Variants in UCHL3 observed in about 807,000 individuals in gnomAD.
UCHL3 encodes ubiquitin carboxyl-terminal hydrolase isozyme L3.
A neutral mutation model predicts 35.8 loss-of-function variants in UCHL3; 22 were observed. That is an observed-to-expected ratio of 0.61 (90% CI 0.44 to 0.88). UCHL3 has a LOEUF of 0.88. Among genes scored for constraint, UCHL3 ranks in the 40% least tolerant of loss-of-function variants. UCHL3 has a pLI of 0.00. For synonymous variants in UCHL3, 90 were observed against 92.8 expected (o/e 0.97, Z 0.17); for missense variants, 229 against 276.9 (o/e 0.83, Z 1.23).
intron 6 of UCHL3, among the ~76,000 whole-genome samples, chr13:75,573,357 T>C (rs887413344): frequency 6.6e-6 from 1 of 152,148 alleles, no homozygotes; most frequent in African/African-American, 2.4e-5. Flanking sequence ...TATTCCAGCC[T>C]ACTGATTTTT....
intron 6 of UCHL3, among the ~76,000 whole-genome samples, chr13:75,588,710 G>A (rs1378753160): frequency 6.6e-6 from 1 of 151,966 alleles, no homozygotes; most frequent in African/African-American, 2.4e-5. Context: ...AAAATCATTC[G>A]GAAAGTAAAA....
intron 2 of UCHL3, among the ~76,000 whole-genome samples, chr13:75,559,729 G>T (rs2031429518): frequency 6.6e-6 from 1 of 152,144 alleles, no homozygotes; most frequent in Non-Finnish European, 1.5e-5. Context: ...CAAAATTTCA[G>T]ATGTTAGACC....
At chr13:75,592,458 A>ACGTATATACAT (rs2032533268) in intron 6 of UCHL3, among the ~76,000 whole-genome samples, 1 of 117,620 alleles carries the variant, frequency 8.5e-6, no homozygotes, top group African/African-American at 3.1e-5. Context: ...ATATATATAT[A>ACGTATATACAT]TATATATATG....
chr13:75,568,833 T>G (rs2031768226), intron 5 of UCHL3, among the ~76,000 whole-genome samples: 1 of 152,204 alleles, frequency 6.6e-6, no homozygotes, highest in Non-Finnish European at 1.5e-5. Flanking sequence ...TTTTAAGGCT[T>G]GGATATTTAT....
Position 75,605,995 on chromosome 13 carries a change from C to T in UCHL3, c.*183C>T, listed in dbSNP as rs2032935148. On this transcript the variant is annotated 3_prime_UTR_variant, in exon 9 of 9. Coordinates refer to ENST00000377595, the MANE Select transcript of UCHL3 (RefSeq NM_006002.5). ...CAGGTTAAAGGTGCAATGCTTTCCT[C>T]CTCTTTTCTTGTGAAGGATTTATCT... is the stretch of plus-strand genomic sequence containing the variant. 1 of 546,104 alleles carries T rather than the reference C, an allele frequency of 1.8e-6. No homozygotes were observed. 33.8% of individuals were successfully genotyped at this position (546,104 alleles called of 1,614,324 possible).
At chr13:75,555,837 G>C (rs2031278272) in intron 2 of UCHL3, among the ~76,000 whole-genome samples, 1 of 152,072 alleles carries the variant, frequency 6.6e-6, no homozygotes, top group Non-Finnish European at 1.5e-5. Context: ...AAACAATTCT[G>C]CCACCTCAGC....
intron 8 of UCHL3, 38 bp from the exon 9 acceptor site, chr13:75,605,691 T>C (rs754011321): frequency 6.3e-7 from 1 of 1,591,408 alleles, no homozygotes; most frequent in Non-Finnish European, 8.6e-7. Context: ...TAAAACACTT[T>C]TACACTGAAA....
chr13:75,559,103 A>G (rs1045338926), intron 2 of UCHL3, among the ~76,000 whole-genome samples: 2 of 126,740 alleles, frequency 1.6e-5, no homozygotes, highest in Non-Finnish European at 1.6e-5. Context: ...GCAGTGGCGC[A>G]ATCTCTGCTC....
At chr13:75,590,038 A>G (rs1362949357) in intron 6 of UCHL3, 2 of 1,304,668 alleles carry the variant, frequency 1.5e-6, no homozygotes, top group Non-Finnish European at 1.0e-6. Context: ...AAACGTAACC[A>G]TGTAGGCCCT....
intron 6 of UCHL3, among the ~76,000 whole-genome samples, chr13:75,593,083 T>C (rs1383970028): frequency 6.6e-6 from 1 of 152,150 alleles, no homozygotes; most frequent in Non-Finnish European, 1.5e-5. Flanking sequence ...TGTGTAATTC[T>C]TAAGAAGAGA....
chr13:75,576,803 G>A (rs908495197), intron 6 of UCHL3, among the ~76,000 whole-genome samples: 4 of 152,120 alleles, frequency 2.6e-5, no homozygotes, highest in African/African-American at 9.7e-5. Flanking sequence ...AATGAAATAC[G>A]GTTGAATGTT....
At chr13:75,555,735 C>T (rs1593972388) in intron 2 of UCHL3, among the ~76,000 whole-genome samples, 2 of 152,068 alleles carry the variant, frequency 1.3e-5, no homozygotes. Context: ...TCTAATTGCT[C>T]TTTAAAAAAC....
chr13:75,554,288 T>C (rs558704320), intron 2 of UCHL3, among the ~76,000 whole-genome samples: 1 of 152,288 alleles, frequency 6.6e-6, no homozygotes, highest in South Asian at 2.1e-4. Context: ...TGGTCTCAAA[T>C]GCCTGGCCTC....
At chr13:75,599,865 G>T (rs2032735459) in intron 7 of UCHL3, among the ~76,000 whole-genome samples, 1 of 152,196 alleles carries the variant, frequency 6.6e-6, no homozygotes, top group South Asian at 2.1e-4. Context: ...TAGTGAGGAA[G>T]GCATATTGAA....
At chr13:75,569,165 G>A (rs569030740) in intron 5 of UCHL3, 51 of 253,798 alleles carry the variant, frequency 2.0e-4, no homozygotes, top group Middle Eastern at 1.2e-3. Flanking sequence ...AAAGTGTTAA[G>A]TGTTAGTTCT....
chr13:75,584,499 G>T (rs2032270541), intron 6 of UCHL3, among the ~76,000 whole-genome samples: 1 of 152,188 alleles, frequency 6.6e-6, no homozygotes, highest in Admixed American at 6.5e-5. Flanking sequence ...CTCTTGACTA[G>T]GTTGGCTTAT....
intron 5 of UCHL3, among the ~76,000 whole-genome samples, chr13:75,568,925 T>C (rs909663075): frequency 3.3e-5 from 5 of 152,210 alleles, no homozygotes; most frequent in African/African-American, 1.2e-4. Context: ...TGTTTGCAAA[T>C]AGTGGGTACT....
In UCHL3 at chr13:75,566,796, T is replaced by A. The variant is rs2031698611; in HGVS notation, c.285T>A (p.Cys95Ter). Reference sequence around the variant, plus strand: ...TGAAGCAAACAATCAGCAATGCCTGTGGAACAATTGGACTGATTCATGCTA... The same window carrying A: ...TGAAGCAAACAATCAGCAATGCCTGAGGAACAATTGGACTGATTCATGCTA... ...YFMKQTISNA[C>*]GTIGLIHAIA... Residue 95 changes from cysteine to a stop codon, truncating the protein, a stop_gained, in exon 4 of 9, where the codon TGT becomes TGA. Transcript: ENST00000377595. LOFTEE classifies it high-confidence loss of function. 4 of 1,611,530 alleles carry A rather than the reference T, an allele frequency of 2.5e-6. No individual in the cohort carries two copies. The East Asian group carries it at 8.9e-5, about 36-fold the overall frequency.
rs115459038 is a variant in UCHL3, at chr13:75,603,305, C to T, written c.551-1464C>T. ...ATTAGCTCTTTAGTCTCATGAATGA[C>T]ACACACACAGAAATGATGGAAACCA... On this transcript the variant is annotated intron_variant, in intron 7 of 8. Coordinates refer to ENST00000377595, the MANE Select transcript of UCHL3 (RefSeq NM_006002.5). Among the ~76,000 whole-genome samples, 1,021 of 152,210 alleles carry T rather than the reference C, an allele frequency of 6.7e-3. 9 individuals are homozygous for T. The highest frequency in any genetic ancestry group is 0.022 in the African/African-American group (927 of 41,524).
Sources: gnomAD v4.1 joint callset for allele counts (sites outside exome capture counted in the v4.1 genomes callset) on GRCh38, gnomAD v4.1.1 for gene constraint, MANE v1.5 for transcripts, NCBI Gene and HGNC (gene_info 2026-07-23, HGNC 2026-07-21) for gene names.